TKT: variants seen among roughly 807,000 people sequenced by gnomAD.
The protein encoded by TKT is epididymis luminal protein 107.
In TKT, 47 loss-of-function variants were observed where a neutral mutation model predicts 63.9. The ratio of observed to expected loss-of-function variants is 0.74; its 90% CI spans 0.58 to 0.94. The LOEUF is 0.94. TKT is among the 40% of genes least tolerant of loss of function. TKT has a pLI of 0.00. For synonymous variants in TKT, 338 were observed against 334.1 expected, an observed-to-expected ratio of 1.01 and a Z score of -0.13; for missense variants, 721 against 846.2, an observed-to-expected ratio of 0.85 and a Z score of 1.84.
In TKT at chr3:53,241,172, A is replaced by G. The variant is rs1553679763; in HGVS notation, c.299T>C (p.Leu100Pro). The G allele has an allele frequency of 1.3e-6, 2 of 1,591,408 alleles. No individual in the cohort carries two copies. The highest frequency in any genetic ancestry group is 1.1e-5 in the South Asian group (1 of 87,708). ...GFLAEAELLN[L>P]RKISSDLDGH... ...GTCCAAGTCGGAGCTGATCTTCCTCAGGTTCAGCAGCTCCGCCTCGGCCAG... is the reference window on the plus strand; with the variant it reads ...GTCCAAGTCGGAGCTGATCTTCCTCGGGTTCAGCAGCTCCGCCTCGGCCAG... Residue 100 changes from leucine (L) to proline (P), a missense_variant, in exon 3 of 14, where the codon CTG becomes CCG. Coordinates refer to ENST00000462138, the MANE Select transcript of TKT (RefSeq NM_001064.4).
chr3:53,246,420 T>G (rs782123671), intron 1 of TKT, among the ~76,000 whole-genome samples: 6 of 152,198 alleles, frequency 3.9e-5, no homozygotes, highest in Non-Finnish European at 5.9e-5. Flanking sequence ...TATACAGCAG[T>G]AAGAATGAGC....
chr3:53,234,829 A>C, intron 5 of TKT, 154 bp downstream of exon 5: 11 of 725,886 alleles, frequency 1.5e-5, no homozygotes, highest in Non-Finnish European at 2.1e-5. Context: ...CCAAATGCCT[A>C]GAGTTTGAAA....
chr3:53,228,647 C>T lies in TKT; in HGVS notation c.1396-288G>A, dbSNP rs1235445437. 3.2e-5 allele frequency: 16 copies of T among 504,496 alleles called. No homozygotes were observed. In the East Asian group the frequency reaches 6.0e-4, roughly 19 times the overall value. The allele number at this position is 504,496 out of a possible 1,614,324, so 31.3% of individuals were successfully genotyped here. ...CTGCACCAGGCAGAGGGGCAGGAACCACGCGCACTGGGTCTGTGGCATGCA... is the reference window on the plus strand; with the variant it reads ...CTGCACCAGGCAGAGGGGCAGGAACTACGCGCACTGGGTCTGTGGCATGCA... On this transcript the variant is annotated intron_variant, in intron 10 of 13. Coordinates refer to ENST00000462138, the MANE Select transcript of TKT (RefSeq NM_001064.4).
intron 4 of TKT, among the ~76,000 whole-genome samples, chr3:53,236,926 C>T (rs114350185): frequency 0.031 from 4,659 of 152,280 alleles, 257 homozygotes; most frequent in African/African-American, 0.11. Flanking sequence ...GGGTGGGGGG[C>T]TGCAAACATC....
intron 8 of TKT, among the ~76,000 whole-genome samples, chr3:53,230,126 C>T (rs566902939): frequency 4.3e-4 from 66 of 152,320 alleles, no homozygotes; most frequent in Admixed American, 2.1e-3. Flanking sequence ...AAACCCATCA[C>T]GGCCCCACCT....
At chr3:53,255,810 G>A in intron 1 of TKT, 26 bp downstream of exon 1, 1 of 1,438,962 alleles carries the variant, frequency 6.9e-7, no homozygotes, top group Non-Finnish European at 9.2e-7. Context: ...CCCGAGCCGC[G>A]TCCCCGGCCG....
Position 53,231,560 on chromosome 3 carries a change from C to A in TKT, c.749-10G>T. On this transcript the variant is annotated splice_polypyrimidine_tract_variant and intron_variant, in intron 6 of 13. Transcript: ENST00000462138. The stretch of plus-strand genomic sequence containing the variant: ...TCCTTATCTTCTACCCCTGCAGACC[C>A]AACACGGGAGGACAGAGGAATGGGT... 1 of 1,611,796 alleles carries A rather than the reference C, an allele frequency of 6.2e-7. No individual in the cohort carries two copies.
Position 53,228,285 on chromosome 3 carries a change from T to C in TKT, c.1470A>G (p.Gly490=), listed in dbSNP as rs782154177. The change falls in exon 11 of 14, where the codon GGA becomes GGG. Residue 490 remains glycine, a synonymous_variant. Coordinates refer to ENST00000462138, the MANE Select transcript of TKT (RefSeq NM_001064.4). ...IYNNNEDFQV[G]QAKVVLKSKD... ...CATGCGAGGCACTGACCTTGGCTTG[T>C]CCGACCTGGAAGTCCTCATTGTTGT... 3.1e-6 allele frequency: 5 copies of C among 1,614,196 alleles called. No homozygotes were observed. The South Asian group carries it at 5.5e-5, about 18-fold the overall frequency.
chr3:53,252,835 A>G (rs868986527), intron 1 of TKT, among the ~76,000 whole-genome samples: 1 of 145,544 alleles, frequency 6.9e-6, no homozygotes, highest in East Asian at 2.0e-4. Context: ...TGCTTGCCCA[A>G]GAGGCATTCT....
In TKT at chr3:53,225,168, C is replaced by T. The variant is rs1704448669; in HGVS notation, c.*588G>A. On this transcript the variant is annotated 3_prime_UTR_variant, in exon 14 of 14. Coordinates refer to ENST00000462138, the MANE Select transcript of TKT (RefSeq NM_001064.4). ...GGACCTCTCATGCCATCCTGAGGGT[C>T]CCTTTTCCCCCAGGACGAAGGCTGC... is the stretch of plus-strand genomic sequence containing the variant. 6.6e-6 allele frequency: 1 copy of T among 152,222 alleles called. No homozygotes were observed. The highest frequency in any genetic ancestry group is 1.5e-5 in the Non-Finnish European group (1 of 68,058). 9.4% of individuals were successfully genotyped at this position (152,222 alleles called of 1,614,324 possible).
intron 6 of TKT, chr3:53,232,311 C>G (rs1277006924): frequency 5.0e-6 from 2 of 399,066 alleles, no homozygotes; most frequent in East Asian, 7.1e-5. Flanking sequence ...TCCCAGAGCC[C>G]TTTCCTCGAC....
intron 6 of TKT, chr3:53,232,279 C>T: frequency 2.5e-6 from 1 of 398,418 alleles, no homozygotes; most frequent in Non-Finnish European, 4.4e-6. Flanking sequence ...TGCCAGGCAG[C>T]AGCACCAAAG....
At chr3:53,254,300 G>A (rs1218265756) in intron 1 of TKT, among the ~76,000 whole-genome samples, 1 of 152,180 alleles carries the variant, frequency 6.6e-6, no homozygotes, top group Admixed American at 6.5e-5. Context: ...CTGGTGAAAG[G>A]GGAGCTGAGA....
intron 6 of TKT, chr3:53,232,912 C>T (rs1704833012): frequency 8.0e-6 from 4 of 499,164 alleles, no homozygotes; most frequent in African/African-American, 2.0e-5. Flanking sequence ...CACAGACCCT[C>T]CAAGTCCCTC....
chr3:53,226,681 A>G, intron 13 of TKT, 75 bp downstream of exon 13: 1 of 1,605,966 alleles, frequency 6.2e-7, no homozygotes, highest in Non-Finnish European at 8.5e-7. Context: ...TGGGGCTCAG[A>G]TAGAAGAGGC....
rs1553676243 is a variant in TKT, at chr3:53,228,995, C to CA, written c.1395+11dup. Reference sequence around the variant, plus strand: ...GGCTGCCAGCAGGAGAAAGAACAGCCATGCAACCTACCTTTGTATTGGCGG... The same window carrying CA: ...GGCTGCCAGCAGGAGAAAGAACAGCCAATGCAACCTACCTTTGTATTGGCGG... On this transcript the variant is annotated intron_variant, in intron 10 of 13. Coordinates refer to ENST00000462138, the MANE Select transcript of TKT (RefSeq NM_001064.4). 1 of 1,613,856 alleles carries CA rather than the reference C, an allele frequency of 6.2e-7. No homozygotes were observed. The highest frequency in any genetic ancestry group is 1.3e-5 in the African/African-American group (1 of 74,932).
In TKT at chr3:53,255,951, A is replaced by T; in HGVS notation, c.-9T>A. 2 of 1,507,048 alleles carry T rather than the reference A, an allele frequency of 1.3e-6. No individual in the cohort carries two copies. The highest frequency in any genetic ancestry group is 1.3e-5 in the South Asian group (1 of 78,810). 93.4% of individuals were successfully genotyped at this position (1,507,048 alleles called of 1,614,324 possible). ...TTGTGGTAGCTCTCCATGGTGCGGC[A>T]GGCGGGGACCGGGCGCACACGCGGA... On this transcript the variant is annotated 5_prime_UTR_variant, in exon 1 of 14. Transcript: ENST00000462138.
intron 4 of TKT, among the ~76,000 whole-genome samples, chr3:53,236,673 G>A (rs3821691): frequency 0.17 from 26,530 of 152,098 alleles, 2,394 homozygotes; most frequent in South Asian, 0.29. Context: ...AAGGCAACTG[G>A]CTGCCACCCC....
At position 53,250,541 on chromosome 3, in the gene TKT, C is replaced by T. The variant is rs569399182; in HGVS notation, c.107+5295G>A. On this transcript the variant is annotated intron_variant, in intron 1 of 13. Coordinates refer to ENST00000462138, the MANE Select transcript of TKT (RefSeq NM_001064.4). ...TCCCAGTACTCTAGGGAAGCTGAGGCAGGTGGATCGCTTAAGCCCAGGAGT... is the reference window on the plus strand; with the variant it reads ...TCCCAGTACTCTAGGGAAGCTGAGGTAGGTGGATCGCTTAAGCCCAGGAGT... Among the ~76,000 whole-genome samples, 4 of 152,240 alleles carry T rather than the reference C, an allele frequency of 2.6e-5. No individual in the cohort carries two copies. The East Asian group carries it at 7.7e-4, about 29-fold the overall frequency.
Sources: allele counts gnomAD v4.1 joint callset (sites outside exome capture counted in the v4.1 genomes callset), GRCh38; gene constraint gnomAD v4.1.1; transcripts MANE v1.5; gene names NCBI Gene and HGNC (gene_info 2026-07-23, HGNC 2026-07-21).